The following NR6A1 variants were observed in gnomAD, a reference collection of about 807,000 sequenced individuals.
The protein encoded by NR6A1 is nuclear receptor subfamily 6 group A member 1, also known as retinoic acid receptor-related testis-associated receptor.
Under a neutral mutation model 59.1 loss-of-function variants are expected in NR6A1, and 7 were observed. That is an observed-to-expected ratio of 0.12 (90% CI 0.07 to 0.22). The LOEUF is 0.22. NR6A1 is among the 10% of genes least tolerant of loss of function. The pLI, the probability that NR6A1 is intolerant of heterozygous loss-of-function variation, is 1.00. For synonymous variants in NR6A1, 243 were observed against 236.1 expected (o/e 1.03, Z -0.27); for missense variants, 468 against 611.6 (o/e 0.77, Z 2.48).
intron 2 of NR6A1, among the ~76,000 whole-genome samples, chr9:124,704,707 T>C (rs914429341): frequency 1.3e-5 from 2 of 152,194 alleles, no homozygotes; most frequent in Non-Finnish European, 2.9e-5. Flanking sequence ...TCATAAATTT[T>C]GATATGTTAC....
At chr9:124,702,428 T>G (rs1328589952) in intron 2 of NR6A1, among the ~76,000 whole-genome samples, 1 of 152,194 alleles carries the variant, frequency 6.6e-6, no homozygotes, top group Non-Finnish European at 1.5e-5. Context: ...ACATAAGGAT[T>G]TATGACTGAA....
At chr9:124,523,443 C>T (rs531432657) in intron 9 of NR6A1, among the ~76,000 whole-genome samples, 30 of 151,968 alleles carry the variant, frequency 2.0e-4, no homozygotes, top group Admixed American at 1.1e-3. Context: ...GGGAGCCGTT[C>T]GAAAACACTG....
chr9:124,705,216 C>A (rs1839088277), intron 2 of NR6A1, among the ~76,000 whole-genome samples: 1 of 152,116 alleles, frequency 6.6e-6, no homozygotes, highest in Non-Finnish European at 1.5e-5. Flanking sequence ...ACTGATAGTG[C>A]TGATGAAGTC....
At position 124,533,795 on chromosome 9, in the gene NR6A1, C is replaced by T. The variant is rs1428723603; in HGVS notation, c.1079+2083G>A. On this transcript the variant is annotated intron_variant, in intron 7 of 9. Coordinates refer to ENST00000487099, the MANE Select transcript of NR6A1 (RefSeq NM_033334.4). Reference sequence around the variant, plus strand: ...CCTCCCAAGCAGCTGGGACTACAGGCGCCCGCCACCATGCCCGGCTAATTT... The same window carrying T: ...CCTCCCAAGCAGCTGGGACTACAGGTGCCCGCCACCATGCCCGGCTAATTT... 2.6e-5 allele frequency among the ~76,000 whole-genome samples: 4 copies of T among 152,172 alleles called. No individual in the cohort carries two copies. The East Asian group carries it at 7.8e-4, about 30-fold the overall frequency.
chr9:124,673,470 A>G (rs1837855816), intron 2 of NR6A1, among the ~76,000 whole-genome samples: 3 of 151,982 alleles, frequency 2.0e-5, no homozygotes, highest in Admixed American at 1.3e-4. Flanking sequence ...AAAATAAACT[A>G]AAGTACAATA....
chr9:124,684,719 C>T (rs541771938), intron 2 of NR6A1, among the ~76,000 whole-genome samples: 6 of 152,214 alleles, frequency 3.9e-5, no homozygotes, highest in Non-Finnish European at 8.8e-5. Flanking sequence ...GTAGCAGCAG[C>T]TGATAAATGT....
chr9:124,622,118 A>T (rs1836094455), intron 2 of NR6A1, among the ~76,000 whole-genome samples: 1 of 152,190 alleles, frequency 6.6e-6, no homozygotes, highest in Non-Finnish European at 1.5e-5. Context: ...TCGCAGGCTG[A>T]GGTGAGAGGA....
At chr9:124,599,455 C>T (rs939473003) in intron 2 of NR6A1, 2 of 440,078 alleles carry the variant, frequency 4.5e-6, no homozygotes, top group African/African-American at 4.2e-5. Context: ...TCATCTTCCT[C>T]CAGCGTTTTA....
intron 2 of NR6A1, among the ~76,000 whole-genome samples, chr9:124,683,556 G>A (rs1229091361): frequency 6.6e-6 from 1 of 152,230 alleles, no homozygotes; most frequent in Non-Finnish European, 1.5e-5. Context: ...CACTTTGGGA[G>A]GCCAAGGCAG....
At chr9:124,611,642 G>C (rs549964353) in intron 2 of NR6A1, among the ~76,000 whole-genome samples, 3 of 151,972 alleles carry the variant, frequency 2.0e-5, no homozygotes, top group Non-Finnish European at 4.4e-5. Context: ...CTAGCTATGT[G>C]GGGGGCTGAG....
In NR6A1 at chr9:124,765,886, A is replaced by G. The variant is rs541967647; in HGVS notation, c.100+5134T>C. 2.6e-5 allele frequency among the ~76,000 whole-genome samples: 4 copies of G among 152,228 alleles called. No homozygotes were observed. The South Asian group carries it at 8.3e-4, about 32-fold the overall frequency. On this transcript the variant is annotated intron_variant, in intron 1 of 9. Transcript: ENST00000487099. ...ATGCTCTCCTCTTTTTCCTGTGGCT[A>G]TTTCTCCGCCATACTGAAAAACAGG...
chr9:124,770,445 A>T (rs1841102777), intron 1 of NR6A1: 1 of 151,592 alleles, frequency 6.6e-6, no homozygotes, highest in Non-Finnish European at 1.5e-5. Context: ...AGAAGAGGAA[A>T]ACGCTCTAGA....
intron 8 of NR6A1, 146 bp from the exon 9 acceptor site, chr9:124,525,019 G>A: frequency 2.1e-6 from 2 of 933,694 alleles, no homozygotes; most frequent in South Asian, 4.0e-5. Context: ...CTGATAGGGA[G>A]GAACTAAGTT....
intron 2 of NR6A1, among the ~76,000 whole-genome samples, chr9:124,556,196 GAATT>G (rs1302397726): frequency 3.9e-5 from 6 of 152,206 alleles, no homozygotes; most frequent in Non-Finnish European, 8.8e-5. Context: ...GGGTTATTCT[GAATT>G]ATATGGGTGG....
At chr9:124,727,681 CTTTA>C (rs917025485) in intron 2 of NR6A1, among the ~76,000 whole-genome samples, 13 of 152,034 alleles carry the variant, frequency 8.6e-5, no homozygotes, top group African/African-American at 9.7e-5. Context: ...TTTTTAATGA[CTTTA>C]TTTATTTATT....
chr9:124,769,252 T>TA (rs11324073), intron 1 of NR6A1, among the ~76,000 whole-genome samples: 6,679 of 141,930 alleles, frequency 0.047, 181 homozygotes, highest in Middle Eastern at 0.1. Flanking sequence ...ATACACAAAT[T>TA]AAAAAAAAAA....
chr9:124,738,900 G>A (rs964994466), intron 1 of NR6A1, among the ~76,000 whole-genome samples: 1 of 151,898 alleles, frequency 6.6e-6, no homozygotes, highest in Admixed American at 6.6e-5. Flanking sequence ...TACTCGGGGG[G>A]CTGAGGCAAG....
chr9:124,722,645 C>T (rs1326756819), intron 2 of NR6A1, among the ~76,000 whole-genome samples: 8 of 152,120 alleles, frequency 5.3e-5, no homozygotes, highest in African/African-American at 1.4e-4. Flanking sequence ...TTCATCTTGC[C>T]TGTTCATCCC....
chr9:124,720,688 G>A (rs1268292795), intron 2 of NR6A1, among the ~76,000 whole-genome samples: 3 of 152,138 alleles, frequency 2.0e-5, no homozygotes, highest in Admixed American at 1.3e-4. Context: ...GCAAAGAGTG[G>A]TCCCGGTTGA....
Sources: gnomAD v4.1 joint callset for allele counts (sites outside exome capture counted in the v4.1 genomes callset) on GRCh38, gnomAD v4.1.1 for gene constraint, MANE v1.5 for transcripts, NCBI Gene and HGNC (gene_info 2026-07-23, HGNC 2026-07-21) for gene names.